The following AFG1L variants were observed in gnomAD, a reference collection of about 807,000 sequenced individuals.
The protein encoded by AFG1L is AFG1 like ATPase.
A neutral mutation model predicts 62.2 loss-of-function variants in AFG1L; 53 were observed. The ratio of observed to expected loss-of-function variants is 0.85; its 90% CI spans 0.68 to 1.07. AFG1L has a LOEUF of 1.07. Among genes scored for constraint, AFG1L ranks in the 50% least tolerant of loss-of-function variants. AFG1L has a pLI of 0.00. For synonymous variants in AFG1L, 228 were observed against 210.3 expected, an observed-to-expected ratio of 1.08 and a Z score of -0.73; for missense variants, 555 against 590.5, an observed-to-expected ratio of 0.94 and a Z score of 0.62.
At chr6:108,501,031 T>C (rs1174958968) in intron 10 of AFG1L, among the ~76,000 whole-genome samples, 1 of 152,128 alleles carries the variant, frequency 6.6e-6, no homozygotes, top group African/African-American at 2.4e-5. Context: ...TCTTGCTCTG[T>C]CGCCCAGGCT....
intron 2 of AFG1L, among the ~76,000 whole-genome samples, chr6:108,324,552 A>G (rs1244798001): frequency 6.6e-6 from 1 of 152,110 alleles, no homozygotes; most frequent in Non-Finnish European, 1.5e-5. Flanking sequence ...TGGGTTCTTC[A>G]AGACTCCCAT....
At chr6:108,414,603 A>T (rs1782274590) in intron 7 of AFG1L, among the ~76,000 whole-genome samples, 1 of 152,224 alleles carries the variant, frequency 6.6e-6, no homozygotes, top group Non-Finnish European at 1.5e-5. Flanking sequence ...CCTGGGATGC[A>T]AGGCTGGTTC....
At chr6:108,384,811 A>G (rs527729904) in intron 6 of AFG1L, among the ~76,000 whole-genome samples, 31 of 152,274 alleles carry the variant, frequency 2.0e-4, no homozygotes, top group Middle Eastern at 6.8e-3. Flanking sequence ...ATAAAAATTC[A>G]CTTGATGGGC....
At chr6:108,437,854 C>CA (rs1771377279) in intron 7 of AFG1L, among the ~76,000 whole-genome samples, 1 of 152,118 alleles carries the variant, frequency 6.6e-6, no homozygotes, top group African/African-American at 2.4e-5. Flanking sequence ...TTGAATAACT[C>CA]AGTGTGACAT....
chr6:108,452,607 C>T (rs571857893), intron 8 of AFG1L, among the ~76,000 whole-genome samples: 39 of 152,312 alleles, frequency 2.6e-4, no homozygotes, highest in African/African-American at 7.2e-4. Flanking sequence ...TTTTACCCCA[C>T]TTACGAGCCT....
At chr6:108,505,300 G>A (rs1164724657) in intron 10 of AFG1L, among the ~76,000 whole-genome samples, 1 of 152,096 alleles carries the variant, frequency 6.6e-6, no homozygotes, top group East Asian at 1.9e-4. Flanking sequence ...CACCATCTTG[G>A]CCAGGCTGGT....
At chr6:108,406,758 T>C (rs1052472569) in intron 7 of AFG1L, among the ~76,000 whole-genome samples, 1 of 152,190 alleles carries the variant, frequency 6.6e-6, no homozygotes, top group Admixed American at 6.5e-5. Context: ...TTTTTTCAAA[T>C]TGGGCAACAT....
intron 7 of AFG1L, among the ~76,000 whole-genome samples, chr6:108,435,627 C>T (rs924385754): frequency 6.6e-6 from 1 of 152,140 alleles, no homozygotes; most frequent in Non-Finnish European, 1.5e-5. Context: ...GAAGATGTTT[C>T]CTCATATAGA....
At chr6:108,312,503 TG>T (rs1777449935) in intron 1 of AFG1L, among the ~76,000 whole-genome samples, 1 of 152,152 alleles carries the variant, frequency 6.6e-6, no homozygotes, top group Admixed American at 6.5e-5. Context: ...GAGGCTGCAG[TG>T]CTATGCTTGA....
chr6:108,375,896 T>G (rs1007328736), intron 6 of AFG1L, among the ~76,000 whole-genome samples: 1 of 152,158 alleles, frequency 6.6e-6, no homozygotes, highest in Admixed American at 6.5e-5. Flanking sequence ...GTACCGGCTC[T>G]TCTTTGTATG....
At position 108,324,043 on chromosome 6, in the gene AFG1L, T is replaced by C; in HGVS notation, c.358T>C (p.Ser120Pro). 1 of 1,607,108 alleles carries C rather than the reference T, an allele frequency of 6.2e-7. No individual in the cohort carries two copies. The highest frequency in any genetic ancestry group is 8.5e-7 in the Non-Finnish European group (1 of 1,174,400). ...CAATATAGAGGCAGAAGGCCTTTTT[T>C]CAAAGGTGAGGCTTGTGTGATATGA... ...GYNIEAEGLF[S>P]KLFSRSKPPR... Residue 120 changes from serine to proline, a missense_variant, in exon 2 of 13, where the codon TCA becomes CCA. Coordinates refer to ENST00000368977, the MANE Select transcript of AFG1L (RefSeq NM_145315.5).
At chr6:108,494,087 G>T (rs1171272963) in intron 10 of AFG1L, among the ~76,000 whole-genome samples, 3 of 152,178 alleles carry the variant, frequency 2.0e-5, no homozygotes, top group Non-Finnish European at 4.4e-5. Flanking sequence ...CTCCCAAACT[G>T]CTGGGATTAC....
intron 7 of AFG1L, among the ~76,000 whole-genome samples, chr6:108,412,835 G>A (rs1782177070): frequency 6.6e-6 from 1 of 152,068 alleles, no homozygotes; most frequent in Non-Finnish European, 1.5e-5. Context: ...AGACCATCAA[G>A]GCTAGGAAGA....
At chr6:108,380,393 G>A (rs905748333) in intron 6 of AFG1L, among the ~76,000 whole-genome samples, 4 of 152,210 alleles carry the variant, frequency 2.6e-5, no homozygotes, top group African/African-American at 7.2e-5. Context: ...TCTCAGGGAA[G>A]CAGAGTGGGG....
chr6:108,320,724 C>T (rs1294001948), intron 1 of AFG1L, among the ~76,000 whole-genome samples: 1 of 152,048 alleles, frequency 6.6e-6, no homozygotes, highest in Admixed American at 6.6e-5. Context: ...TTTATTTCCA[C>T]GTTGCAGGGG....
At chr6:108,309,106 A>C (rs1051992302) in intron 1 of AFG1L, among the ~76,000 whole-genome samples, 1 of 152,190 alleles carries the variant, frequency 6.6e-6, no homozygotes, top group East Asian at 1.9e-4. Flanking sequence ...AGGTATTTTC[A>C]TATGTTCTTT....
intron 8 of AFG1L, among the ~76,000 whole-genome samples, chr6:108,461,741 G>A (rs777324721): frequency 2.0e-5 from 3 of 152,330 alleles, no homozygotes; most frequent in Admixed American, 1.3e-4. Context: ...TTACAGGCAT[G>A]AGCCACTGTG....
At chr6:108,381,995 C>CTTTT (rs1227478281) in intron 6 of AFG1L, among the ~76,000 whole-genome samples, 36 of 138,206 alleles carry the variant, frequency 2.6e-4, no homozygotes, top group African/African-American at 9.4e-4. Context: ...TTTTTATTCA[C>CTTTT]TGTTTTTTTT....
At chr6:108,456,902 A>C (rs1475086452) in intron 8 of AFG1L, among the ~76,000 whole-genome samples, 1 of 152,122 alleles carries the variant, frequency 6.6e-6, no homozygotes, top group Non-Finnish European at 1.5e-5. Context: ...AGTACAGTAA[A>C]ATGCTGTATA....
Sources: allele counts gnomAD v4.1 joint callset (sites outside exome capture counted in the v4.1 genomes callset), GRCh38; gene constraint gnomAD v4.1.1; transcripts MANE v1.5; gene names NCBI Gene and HGNC (gene_info 2026-07-23, HGNC 2026-07-21).